The following POTEJ variants were observed in gnomAD, a reference collection of about 807,000 sequenced individuals.
The protein encoded by POTEJ is POTE ankyrin domain family, member J.
In POTEJ, 11 loss-of-function variants were observed where a neutral mutation model predicts 69.0. The ratio of observed to expected loss-of-function variants is 0.16; its 90% CI spans 0.10 to 0.26. The LOEUF (loss-of-function observed/expected upper bound fraction) is 0.26, where lower values mean the gene tolerates loss of function less well. Among genes scored for constraint, POTEJ ranks in the 10% least tolerant of loss-of-function variants. The pLI is 1.00. For missense variants in POTEJ, 327 were observed against 1,045.5 expected (o/e 0.31, Z 9.48); for synonymous variants, 117 against 381.1 (o/e 0.31, Z 8.07).
Position 130,657,103 on chromosome 2 carries a change from G to C in POTEJ, c.2343G>C (p.Lys781Asn), listed in dbSNP as rs1687032357. The C allele has an allele frequency of 6.4e-7, 1 of 1,574,524 alleles. No homozygotes were observed. Among genetic ancestry groups the C allele is most frequent in the Non-Finnish European group, 8.7e-7 (1 of 1,152,910 alleles). ...TGAACCCCAAGGCCAACCGCGAGAA[G>C]ATGACCCAGATCATGTTTGAGACCT... ...APLNPKANRE[K>N]MTQIMFETFN... Residue 781 changes from lysine to asparagine, a missense_variant, in exon 15 of 15, where the codon AAG becomes AAC. Lys to Asn is a moderately conservative substitution (Grantham distance 94). Transcript: ENST00000409602.
At chr2:130,639,147 G>A (rs1162380627) in intron 10 of POTEJ, among the ~76,000 whole-genome samples, 1 of 152,424 alleles carries the variant, frequency 6.6e-6, no homozygotes, top group South Asian at 2.1e-4. Flanking sequence ...TACAGATGAA[G>A]CTTCCCTGGC....
At chr2:130,647,800 AC>A (rs1686643021) in intron 13 of POTEJ, among the ~76,000 whole-genome samples, 1 of 148,560 alleles carries the variant, frequency 6.7e-6, no homozygotes, top group South Asian at 2.2e-4. Flanking sequence ...GATTTGGCCC[AC>A]AGGTGCTTAT....
chr2:130,631,164 A>G (rs1211867189), intron 7 of POTEJ, among the ~76,000 whole-genome samples: 2 of 148,790 alleles, frequency 1.3e-5, no homozygotes, highest in African/African-American at 2.6e-5. Context: ...GCTAAGGTGA[A>G]TTATTTTTCA....
chr2:130,632,102 G>A (rs1177304751), intron 8 of POTEJ, among the ~76,000 whole-genome samples: 1 of 149,050 alleles, frequency 6.7e-6, no homozygotes. Flanking sequence ...AATCTAGGTG[G>A]TAAAGACAGA....
At chr2:130,629,585 G>A (rs1195655870) in intron 6 of POTEJ, among the ~76,000 whole-genome samples, 2 of 150,566 alleles carry the variant, frequency 1.3e-5, no homozygotes, top group South Asian at 2.1e-4. Flanking sequence ...CTAGCTAAGT[G>A]CAGGAAAACT....
At chr2:130,651,769 A>G (rs1573997877) in intron 13 of POTEJ, among the ~76,000 whole-genome samples, 1 of 143,812 alleles carries the variant, frequency 7.0e-6, no homozygotes, top group African/African-American at 2.6e-5. Flanking sequence ...GTACAATACT[A>G]GTGATATTGT....
At chr2:130,611,304 G>GA (rs1553475442), upstream of POTEJ, among the ~76,000 whole-genome samples, 1 of 142,776 alleles carries the variant, frequency 7.0e-6, no homozygotes, top group Non-Finnish European at 1.5e-5. Flanking sequence ...TTTCTTGGGG[G>GA]GGGGGGGGTT....
In POTEJ at chr2:130,642,785, T is replaced by G. The variant is rs1285982451; in HGVS notation, c.1370-1198T>G. Among the ~76,000 whole-genome samples, 11 of 152,248 alleles carry G rather than the reference T, an allele frequency of 7.2e-5. No homozygotes were observed. The East Asian group carries it at 7.7e-4, about 11-fold the overall frequency. On this transcript the variant is annotated intron_variant, in intron 10 of 14. Coordinates refer to ENST00000409602, the MANE Select transcript of POTEJ (RefSeq NM_001277083.2). ...TGGCAATGCCCTACTCACTCATCCT[T>G]CTATTGTAGGCAAATACTTTCACTC...
chr2:130,637,752 T>G (rs1686160030), intron 9 of POTEJ, among the ~76,000 whole-genome samples: 1 of 151,918 alleles, frequency 6.6e-6, no homozygotes, highest in African/African-American at 2.4e-5. Flanking sequence ...AAAATAAAAG[T>G]AGGGTTTTCA....
At chr2:130,636,383 A>G (rs1482565042) in intron 9 of POTEJ, among the ~76,000 whole-genome samples, 2 of 149,302 alleles carry the variant, frequency 1.3e-5, no homozygotes, top group East Asian at 1.9e-4. Context: ...TATCATCTCT[A>G]ACTTCAAACC....
At chr2:130,639,187 C>T (rs1686234227) in intron 10 of POTEJ, among the ~76,000 whole-genome samples, 1 of 152,312 alleles carries the variant, frequency 6.6e-6, no homozygotes, top group African/African-American at 2.4e-5. Context: ...TCCTGTGTGG[C>T]ATGGTTCCTA....
intron 9 of POTEJ, among the ~76,000 whole-genome samples, chr2:130,637,286 A>G (rs1245747461): frequency 6.6e-6 from 1 of 150,606 alleles, no homozygotes; most frequent in African/African-American, 2.4e-5. Context: ...AAACTGAGTC[A>G]GAGGAATTGC....
intron 1 of POTEJ, among the ~76,000 whole-genome samples, chr2:130,613,028 C>A (rs1481889817): frequency 7.2e-3 from 965 of 133,944 alleles, no homozygotes; most frequent in South Asian, 0.018. Flanking sequence ...TAGAAATACC[C>A]AAATATATGT....
At chr2:130,631,274 TTTAA>T (rs1446849477) in intron 7 of POTEJ, 131 bp from the exon 8 acceptor site, 1 of 173,660 alleles carries the variant, frequency 5.8e-6, no homozygotes, top group Non-Finnish European at 1.2e-5. Context: ...AAATTTTAAT[TTTAA>T]TTATTTTCTA....
At chr2:130,636,431 C>T (rs1402725493) in intron 9 of POTEJ, among the ~76,000 whole-genome samples, 1 of 144,462 alleles carries the variant, frequency 6.9e-6, no homozygotes, top group Non-Finnish European at 1.5e-5. Context: ...AACCTTATGT[C>T]ATCGTTTCTT....
rs1210656846 is a variant in POTEJ at position 130,624,744 on chromosome 2, CA to C, written c.1015+614del. 1.3e-4 allele frequency among the ~76,000 whole-genome samples: 20 copies of C among 152,116 alleles called. No homozygotes were observed. The East Asian group carries it at 2.3e-3, about 18-fold the overall frequency. ...AGTAAAAGTAAGGAATTTTTGATCA[CA>C]AAAGAACACTGAAGCACAAGTCATG... On this transcript the variant is annotated intron_variant, in intron 6 of 14. Coordinates refer to ENST00000409602, the MANE Select transcript of POTEJ (RefSeq NM_001277083.2).
At chr2:130,626,766 C>T (rs1200325599) in intron 6 of POTEJ, among the ~76,000 whole-genome samples, 3 of 152,272 alleles carry the variant, frequency 2.0e-5, no homozygotes, top group Admixed American at 6.5e-5. Context: ...AAGGTTTTCA[C>T]CCGTCCTTAG....
chr2:130,636,949 T>G (rs1686114975), intron 9 of POTEJ, among the ~76,000 whole-genome samples: 1 of 146,588 alleles, frequency 6.8e-6, no homozygotes, highest in Admixed American at 6.9e-5. Context: ...TGTGGTGGCA[T>G]GCGCCTGTAG....
chr2:130,644,272 C>A (rs1250151646), intron 11 of POTEJ, among the ~76,000 whole-genome samples: 3 of 143,358 alleles, frequency 2.1e-5, no homozygotes, highest in African/African-American at 2.6e-5. Context: ...AGATCGAGAC[C>A]ATCCTGGCTA....
Sources: gnomAD v4.1 joint callset for allele counts (sites outside exome capture counted in the v4.1 genomes callset) on GRCh38, gnomAD v4.1.1 for gene constraint, MANE v1.5 for transcripts, NCBI Gene and HGNC (gene_info 2026-07-23, HGNC 2026-07-21) for gene names.